CR1L: variants seen among roughly 807,000 people sequenced by gnomAD.
CR1L encodes the protein complement component receptor 1-like protein.
A neutral mutation model predicts 62.3 loss-of-function variants in CR1L; 59 were observed. The ratio of observed to expected loss-of-function variants is 0.95; its 90% CI spans 0.77 to 1.18. The LOEUF (loss-of-function observed/expected upper bound fraction) is 1.18, where lower values mean the gene tolerates loss of function less well. Ranked by LOEUF, CR1L falls within the 50% of genes most tolerant of loss-of-function variation. CR1L has a pLI of 0.00. For synonymous variants in CR1L, 279 were observed against 248.7 expected (o/e 1.12, Z -1.15); for missense variants, 700 against 702.8 (o/e 1.00, Z 0.04).
At chr1:207,713,261 A>G (rs1425862440) in intron 10 of CR1L, among the ~76,000 whole-genome samples, 1 of 152,222 alleles carries the variant, frequency 6.6e-6, no homozygotes, top group East Asian at 1.9e-4. Context: ...GTGCTAGAAA[A>G]AAAAGATGAA....
At chr1:207,683,207 A>G (rs148711475) in intron 3 of CR1L, among the ~76,000 whole-genome samples, 1 of 150,820 alleles carries the variant, frequency 6.6e-6, no homozygotes, top group African/African-American at 2.4e-5. Flanking sequence ...CATGATCAAC[A>G]CTCACTGCAG....
At chr1:207,696,147 A>G (rs1664098656) in intron 5 of CR1L, among the ~76,000 whole-genome samples, 2 of 152,202 alleles carry the variant, frequency 1.3e-5, no homozygotes, top group Admixed American at 1.3e-4. Flanking sequence ...GGGATGCTCA[A>G]GTGGCCAGCC....
intron 9 of CR1L, among the ~76,000 whole-genome samples, chr1:207,707,785 T>TACACACACACACACAC (rs10523807): frequency 0.012 from 1,530 of 126,518 alleles, 10 homozygotes; most frequent in East Asian, 0.029. Flanking sequence ...GGCATAGTAT[T>TACACACACACACACAC]ACACACACAC....
intron 1 of CR1L, 59 bp downstream of exon 1, chr1:207,645,389 T>G: frequency 6.3e-7 from 1 of 1,581,340 alleles, no homozygotes; most frequent in Non-Finnish European, 8.7e-7. Context: ...GCTCAGTCAG[T>G]CGGGCAGGAG....
Position 207,674,788 on chromosome 1 carries a change from T to C in CR1L, c.98-2601T>C, listed in dbSNP as rs148224326. Among the ~76,000 whole-genome samples, 1,016 of 152,258 alleles carry C rather than the reference T, an allele frequency of 6.7e-3. 9 individuals are homozygous for C. The highest frequency in any genetic ancestry group is 0.023 in the African/African-American group (956 of 41,562). ...TCAATGCATAAGACACATATCAAAA[T>C]TGTATTTCATCCCACATATCAACTA... On this transcript the variant is annotated intron_variant, in intron 1 of 11. Coordinates refer to ENST00000508064, the MANE Select transcript of CR1L (RefSeq NM_175710.2).
At chr1:207,676,260 A>T (rs76987538) in intron 1 of CR1L, among the ~76,000 whole-genome samples, 4,280 of 151,236 alleles carry the variant, frequency 0.028, 195 homozygotes, top group African/African-American at 0.096. Flanking sequence ...TTTTTTTTTT[A>T]AAAAAAGAGC....
rs1022554810 is a variant in CR1L at position 207,669,337 on chromosome 1, C to G, written c.98-8052C>G. ...CCGGAACCCCGCAGCCCTCCCCATG[C>G]TCTGGGCGCGGAGCACAAGGATTGG... On this transcript the variant is annotated intron_variant, in intron 1 of 11. Transcript: ENST00000508064. 4.1e-6 allele frequency: 3 copies of G among 724,224 alleles called. No homozygotes were observed. The Admixed American group carries it at 7.0e-5, about 17-fold the overall frequency. The allele number at this position is 724,224 out of a possible 1,614,324, so 44.9% of individuals were successfully genotyped here.
chr1:207,708,687 A>C (rs1323749170), intron 10 of CR1L, among the ~76,000 whole-genome samples: 3 of 152,242 alleles, frequency 2.0e-5, no homozygotes, highest in African/African-American at 7.2e-5. Flanking sequence ...AAACAGGATC[A>C]TGCCATCTTC....
At chr1:207,691,749 G>A (rs919043451) in intron 4 of CR1L, among the ~76,000 whole-genome samples, 90 of 152,052 alleles carry the variant, frequency 5.9e-4, no homozygotes, top group Non-Finnish European at 1.5e-4. Flanking sequence ...TCCAAACAAC[G>A]CAAGTACCCA....
intron 11 of CR1L, among the ~76,000 whole-genome samples, chr1:207,721,298 C>T (rs1036399998): frequency 4.6e-5 from 7 of 151,052 alleles, no homozygotes; most frequent in African/African-American, 1.2e-4. Flanking sequence ...ACCACTAACT[C>T]GTCATCTAGC....
intron 10 of CR1L, chr1:207,708,820 T>C (rs1276279791): frequency 4.8e-6 from 2 of 420,450 alleles, no homozygotes; most frequent in African/African-American, 4.1e-5. Flanking sequence ...TGTGAGGAAA[T>C]CAGCAATTTC....
chr1:207,700,319 A>G (rs545122481), intron 8 of CR1L, among the ~76,000 whole-genome samples: 3 of 152,254 alleles, frequency 2.0e-5, no homozygotes, highest in Non-Finnish European at 4.4e-5. Flanking sequence ...AGGCAGCATG[A>G]CAAATGTCTG....
chr1:207,657,501 C>T, intron 1 of CR1L: 1 of 425,308 alleles, frequency 2.4e-6, no homozygotes, highest in Admixed American at 4.0e-5. Flanking sequence ...CTCTATTTTT[C>T]ACCCCCACAT....
At chr1:207,652,060 AGT>A (rs1405451084) in intron 1 of CR1L, among the ~76,000 whole-genome samples, 1 of 152,142 alleles carries the variant, frequency 6.6e-6, no homozygotes, top group East Asian at 1.9e-4. Context: ...AGGTGGGTAG[AGT>A]GTAGTAGAAA....
At chr1:207,687,378 T>C (rs1663928804) in intron 4 of CR1L, among the ~76,000 whole-genome samples, 1 of 152,184 alleles carries the variant, frequency 6.6e-6, no homozygotes, top group Non-Finnish European at 1.5e-5. Context: ...ATAACATATA[T>C]ATGTAGTAAA....
Position 207,694,435 on chromosome 1 carries a change from G to A in CR1L, c.546G>A (p.Val182=), listed in dbSNP as rs200605129. ...GAGAGTATTTTCACTATGGATCAGT[G>A]GTGACCTACCACTGCAATCTTGGAA... The part of the protein sequence containing the change: ...ISREYFHYGS[V]VTYHCNLGSR... The change falls in exon 5 of 12, where the codon GTG becomes GTA. Residue 182 remains valine, a synonymous_variant. Coordinates refer to ENST00000508064, the MANE Select transcript of CR1L (RefSeq NM_175710.2). 32 of 1,613,992 alleles carry A rather than the reference G, an allele frequency of 2.0e-5. No homozygotes were observed. In the East Asian group the frequency reaches 6.7e-4, roughly 34 times the overall value.
chr1:207,686,021 C>G (rs1011844690), intron 4 of CR1L, among the ~76,000 whole-genome samples: 2 of 149,158 alleles, frequency 1.3e-5, no homozygotes, highest in African/African-American at 2.5e-5. Flanking sequence ...CTTTCCTTCC[C>G]TCCTTCCCTT....
intron 3 of CR1L, among the ~76,000 whole-genome samples, chr1:207,683,562 T>G (rs1196401005): frequency 6.6e-6 from 1 of 152,192 alleles, no homozygotes; most frequent in Non-Finnish European, 1.5e-5. Flanking sequence ...ACAGCTTCCC[T>G]GCACTCAAGA....
At position 207,677,423 on chromosome 1, in the gene CR1L, C is replaced by G. The variant is rs755811490; in HGVS notation, c.132C>G (p.Ala44=). 6.2e-7 allele frequency: 1 copy of G among 1,613,146 alleles called. No homozygotes were observed. Among genetic ancestry groups the G allele is most frequent in the Non-Finnish European group, 8.5e-7 (1 of 1,179,642 alleles). Residue 44 remains alanine, a synonymous_variant, in exon 2 of 12, where the codon GCC becomes GCG. Coordinates refer to ENST00000508064, the MANE Select transcript of CR1L (RefSeq NM_175710.2). ...ATGTCCCGGAATGGCTTCCATTTGC[C>G]AGGCCTACCAACCTAACTGATGACT... ...QCNVPEWLPF[A]RPTNLTDDFE... is the part of the protein sequence containing the mutation.
Sources: gnomAD v4.1 joint callset for allele counts (sites outside exome capture counted in the v4.1 genomes callset) on GRCh38, gnomAD v4.1.1 for gene constraint, MANE v1.5 for transcripts, NCBI Gene and HGNC (gene_info 2026-07-23, HGNC 2026-07-21) for gene names.